The following NEK4 variants were observed in gnomAD, a reference collection of about 807,000 sequenced individuals.
NEK4 encodes the protein NIMA related kinase 4, also known as serine/threonine-protein kinase Nek4.
A neutral mutation model predicts 98.4 loss-of-function variants in NEK4; 86 were observed. The observed-to-expected ratio is 0.87, with a 90% CI of 0.73 to 1.05. The LOEUF (loss-of-function observed/expected upper bound fraction) is 1.05, where lower values mean the gene tolerates loss of function less well. Ranked by LOEUF, NEK4 falls within the 50% of genes least tolerant of loss-of-function variation. NEK4 has a pLI of 0.00. For synonymous variants in NEK4, 328 were observed against 342.2 expected (o/e 0.96, Z 0.46); for missense variants, 898 against 950.3 (o/e 0.94, Z 0.72).
chr3:52,743,422 G>A lies in NEK4; in HGVS notation c.1934C>T (p.Pro645Leu). 6.2e-7 allele frequency: 1 copy of A among 1,614,118 alleles called. No individual in the cohort carries two copies. Among genetic ancestry groups the A allele is most frequent in the Non-Finnish European group, 8.5e-7 (1 of 1,180,028 alleles). ...CTGGTCTTCTTCCTGGGGTTTTCCT[G>A]GCCCTGCTACACTCAGAGACGCTTT... Reference protein sequence around the residue: ...VRKASLSVAGPGKPQEEDQPL... With the variant: ...VRKASLSVAGLGKPQEEDQPL... Residue 645 changes from proline (P) to leucine (L), a missense_variant, in exon 12 of 16, where the codon CCA becomes CTA. By Grantham distance (98) the Pro-to-Leu change is moderately conservative. Coordinates refer to ENST00000233027, the MANE Select transcript of NEK4 (RefSeq NM_003157.6).
chr3:52,718,795 C>T (rs2097357532), intron 15 of NEK4, among the ~76,000 whole-genome samples: 1 of 152,132 alleles, frequency 6.6e-6, no homozygotes, highest in Non-Finnish European at 1.5e-5. Flanking sequence ...CTCTCGTTGC[C>T]CAGGCTGGAG....
intron 1 of NEK4, 97 bp from the exon 2 acceptor site, chr3:52,768,701 A>C: frequency 9.4e-7 from 1 of 1,068,250 alleles, no homozygotes; most frequent in Non-Finnish European, 1.4e-6. Flanking sequence ...CTCAAAACCA[A>C]CCTTGTGGAG....
chr3:52,744,795 C>T (rs1183364401), intron 10 of NEK4, among the ~76,000 whole-genome samples: 1 of 151,904 alleles, frequency 6.6e-6, no homozygotes, highest in African/African-American at 2.4e-5. Flanking sequence ...GAAACCAGCC[C>T]ACAGCAGGGT....
At chr3:52,723,392 T>A (rs2097361790) in intron 15 of NEK4, among the ~76,000 whole-genome samples, 1 of 151,942 alleles carries the variant, frequency 6.6e-6, no homozygotes, top group African/African-American at 2.4e-5. Flanking sequence ...GAATTACAGG[T>A]GCATGCCACC....
intron 10 of NEK4, among the ~76,000 whole-genome samples, chr3:52,744,757 T>C (rs1398122001): frequency 6.7e-6 from 1 of 150,204 alleles, no homozygotes; most frequent in East Asian, 2.0e-4. Context: ...AAAAAGGTCT[T>C]GCGCTGGACT....
chr3:52,745,209 G>A (rs1196279429), intron 10 of NEK4, among the ~76,000 whole-genome samples: 1 of 150,596 alleles, frequency 6.6e-6, no homozygotes, highest in African/African-American at 2.4e-5. Flanking sequence ...GTGAGCCACC[G>A]CACCTGGCCT....
intron 4 of NEK4, among the ~76,000 whole-genome samples, chr3:52,764,227 C>T (rs987738665): frequency 3.4e-5 from 5 of 146,160 alleles, no homozygotes; most frequent in Admixed American, 2.1e-4. Context: ...GTGGAGGTTG[C>T]GGTGAGCCGA....
Position 52,766,394 on chromosome 3 carries a change from T to C in NEK4, c.361-19A>G. 6.5e-7 allele frequency: 1 copy of C among 1,538,788 alleles called. No individual in the cohort carries two copies. On this transcript the variant is annotated intron_variant, in intron 2 of 15. Coordinates refer to ENST00000233027, the MANE Select transcript of NEK4 (RefSeq NM_003157.6). ...GTAAATACTGAGGAAAGAAACAAGA[T>C]TTTATTACATATAAATAGACTTAAT...
intron 2 of NEK4, 72 bp from the exon 3 acceptor site, chr3:52,766,447 A>G (rs911377347): frequency 1.8e-6 from 2 of 1,094,500 alleles, no homozygotes; most frequent in Non-Finnish European, 2.7e-6. Context: ...CTTATTATAT[A>G]CCATCAGCAA....
intron 13 of NEK4, among the ~76,000 whole-genome samples, chr3:52,740,000 G>A (rs2097383101): frequency 2.0e-5 from 3 of 152,120 alleles, no homozygotes. Flanking sequence ...CAGGAACCTT[G>A]GAGACAGTCT....
chr3:52,745,928 G>A, intron 10 of NEK4, 133 bp downstream of exon 10: 1 of 796,002 alleles, frequency 1.3e-6, no homozygotes. Context: ...TCACTATATT[G>A]CCCAGGCCAG....
intron 1 of NEK4, among the ~76,000 whole-genome samples, chr3:52,768,999 C>T (rs919672176): frequency 6.6e-6 from 1 of 152,100 alleles, no homozygotes; most frequent in Non-Finnish European, 1.5e-5. Context: ...GCGGGTGGAT[C>T]ACCTGAGGTC....
In NEK4 at chr3:52,746,192, G is replaced by A. The variant is rs771482582; in HGVS notation, c.1696C>T (p.Arg566Ter). The change falls in exon 10 of 16, where the codon CGA becomes TGA. Residue 566 changes from arginine (R) to a stop codon, truncating the protein, a stop_gained. Transcript: ENST00000233027. LOFTEE classifies it high-confidence loss of function. The part of the protein sequence containing the change: ...DLFAFQESPP[R>*]FLPSHPIVGK... ...ACAATGGGATGAGAAGGCAAAAATC[G>A]AGGAGGCGACTCTTGGAACTTAAAT... 3.8e-5 allele frequency: 62 copies of A among 1,613,842 alleles called. No homozygotes were observed. Among genetic ancestry groups the A allele is most frequent in the Non-Finnish European group, 4.9e-5 (58 of 1,179,950 alleles).
In NEK4 at chr3:52,752,251, T is replaced by C; in HGVS notation, c.1049A>G (p.Lys350Arg). 4 of 1,614,222 alleles carry C rather than the reference T, an allele frequency of 2.5e-6. No individual in the cohort carries two copies. Among genetic ancestry groups the C allele is most frequent in the Non-Finnish European group, 3.4e-6 (4 of 1,180,038 alleles). Residue 350 changes from lysine to arginine, a missense_variant, in exon 7 of 16, where the codon AAA becomes AGA. Coordinates refer to ENST00000233027, the MANE Select transcript of NEK4 (RefSeq NM_003157.6). ...TTCTGTGGTATTGCTCAAGTCCTGT[T>C]TGCAGGTATGGGCTTTCAGACTGGC... The part of the protein sequence containing the change: ...SPASLKAHTC[K>R]QDLSNTTELA...
At chr3:52,729,639 C>T (rs891285170) in intron 15 of NEK4, among the ~76,000 whole-genome samples, 3 of 145,414 alleles carry the variant, frequency 2.1e-5, no homozygotes, top group African/African-American at 5.1e-5. Context: ...ACCCGGGAGA[C>T]GGTGGTTGCA....
At position 52,765,980 on chromosome 3, in the gene NEK4, A is replaced by C. The variant is rs139039707; in HGVS notation, c.573T>G (p.Ala191=). 22 of 1,607,786 alleles carry C rather than the reference A, an allele frequency of 1.4e-5. No homozygotes were observed. The African/African-American group carries it at 2.7e-4, about 20-fold the overall frequency. ...CCATTTCATAGACACAGCATCCTAG[A>C]GCCCAAACATCAGACTAGAAAATAA... The part of the protein sequence containing the change: ...KPYNYKSDVW[A]LGCCVYEMAT... The change falls in exon 4 of 16, where the codon GCT becomes GCG. Residue 191 remains alanine (A), a synonymous_variant. Transcript: ENST00000233027.
chr3:52,715,192 C>T (rs2097354041), intron 15 of NEK4, among the ~76,000 whole-genome samples: 7 of 152,226 alleles, frequency 4.6e-5, no homozygotes, highest in Admixed American at 4.6e-4. Context: ...GACAAATCAG[C>T]AGGTACTTCC....
rs1193888628 is a variant in NEK4, at chr3:52,752,931, T to TACACACACACACACACACAC, written c.964-596_964-595insGTGTGTGTGTGTGTGTGTGT. On this transcript the variant is annotated intron_variant, in intron 6 of 15. Coordinates refer to ENST00000233027, the MANE Select transcript of NEK4 (RefSeq NM_003157.6). ...AAAAAAAAAAAAATATATATATATA[T>TACACACACACACACACACAC]ATACACACACACACACACACACAAT... Among the ~76,000 whole-genome samples the TACACACACACACACACACAC allele has an allele frequency of 1.5e-3, 84 of 56,116 alleles. 1 individual carries two copies. Among genetic ancestry groups the TACACACACACACACACACAC allele is most frequent in the Middle Eastern group, 0.02 (2 of 98 alleles). The allele number at this position is 56,116 out of a possible 152,430, so 36.8% of individuals were successfully genotyped here. A position where few individuals can be genotyped will look rare whatever the true frequency, so the allele number is the denominator to read the frequency against.
At chr3:52,725,702 T>C (rs1199238294) in intron 15 of NEK4, among the ~76,000 whole-genome samples, 1 of 152,054 alleles carries the variant, frequency 6.6e-6, no homozygotes, top group Non-Finnish European at 1.5e-5. Context: ...ATCTCCATGG[T>C]AACCACAGAG....
Sources: gnomAD v4.1 joint callset for allele counts (sites outside exome capture counted in the v4.1 genomes callset) on GRCh38, gnomAD v4.1.1 for gene constraint, MANE v1.5 for transcripts, NCBI Gene and HGNC (gene_info 2026-07-23, HGNC 2026-07-21) for gene names.